Variants in KIFC2 observed in about 807,000 individuals in gnomAD.
The protein encoded by KIFC2 is kinesin-like protein KIFC2.
Under a neutral mutation model 91.5 loss-of-function variants are expected in KIFC2, and 94 were observed. That is an observed-to-expected ratio of 1.03 (90% CI 0.87 to 1.22). KIFC2 has a LOEUF of 1.22. Among genes scored for constraint, KIFC2 ranks in the 50% most tolerant of loss-of-function variants. The pLI, the probability that KIFC2 is intolerant of heterozygous loss-of-function variation, is 0.00. For synonymous variants in KIFC2, 729 were observed against 503.9 expected, an observed-to-expected ratio of 1.45 and a Z score of -5.98; for missense variants, 1,357 against 1,103.3, an observed-to-expected ratio of 1.23 and a Z score of -3.26.
chr8:144,466,528 G>A lies in KIFC2; in HGVS notation c.99+10G>A, dbSNP rs764977557. ...CGGGGACCCCGCCCAGGTGAGCGGG[G>A]CTGGCCGTGCAGCCCGTCGTCTCCC... On this transcript the variant is annotated intron_variant, in intron 1 of 17. Coordinates refer to ENST00000645548, the MANE Select transcript of KIFC2 (RefSeq NM_001369769.2). 8 of 1,231,064 alleles carry A rather than the reference G, an allele frequency of 6.5e-6. No homozygotes were observed. The highest frequency in any genetic ancestry group is 8.2e-6 in the Non-Finnish European group (8 of 974,570). 76.3% of individuals were successfully genotyped at this position (1,231,064 alleles called of 1,614,324 possible). A position where few individuals can be genotyped will look rare whatever the true frequency, so the allele number is the denominator to read the frequency against.
rs780759737 is a variant in KIFC2, at chr8:144,472,609, C to T, written c.1764C>T (p.Thr588=). The change falls in exon 16 of 18, where the codon ACC becomes ACT. Residue 588 remains threonine, a synonymous_variant. Transcript: ENST00000645548. ...MLKLGRSNRA[T]AATAMNQRSS... The stretch of plus-strand genomic sequence containing the variant: ...AACTGGGGAGGAGCAACCGGGCCAC[C>T]GCCGCCACCGCCATGAACCAGCGCA... 8 of 1,605,972 alleles carry T rather than the reference C, an allele frequency of 5.0e-6. No individual in the cohort carries two copies. The highest frequency in any genetic ancestry group is 4.4e-5 in the South Asian group (4 of 91,068).
chr8:144,467,028 A>T lies in KIFC2; in HGVS notation c.248A>T (p.Glu83Val). 1 of 1,596,676 alleles carries T rather than the reference A, an allele frequency of 6.3e-7. No homozygotes were observed. Among genetic ancestry groups the T allele is most frequent in the Non-Finnish European group, 8.5e-7 (1 of 1,173,894 alleles). Residue 83 changes from glutamate (E) to valine (V), a missense_variant, in exon 3 of 18, where the codon GAG (glutamate) becomes GTG (valine). Physicochemically the swap from Glu to Val is moderately radical, Grantham distance 121. Coordinates refer to ENST00000645548, the MANE Select transcript of KIFC2 (RefSeq NM_001369769.2). ...CGCGCGGCCGCGGTGTCCCTGGAAG[A>T]GGCCCTACTGCGCCTCGCCGAGTTC... Reference protein sequence around the residue: ...EGRAAAVSLEEALLRLAEFLS... With the variant: ...EGRAAAVSLEVALLRLAEFLS...
intron 10 of KIFC2, 121 bp from the exon 11 acceptor site, chr8:144,469,150 G>A: frequency 1.2e-6 from 1 of 807,618 alleles, no homozygotes; most frequent in Non-Finnish European, 2.0e-6. Context: ...ACTGAAAGTT[G>A]TGGCTTAGCA....
rs1054249204 is a variant in KIFC2 at position 144,473,836 on chromosome 8, T to C, written c.*447T>C. ...GTTTCCCGAAAAAGGTGCTACCTCC[T>C]TTCCAGACAGATGAGAGAGGGCAGG... On this transcript the variant is annotated 3_prime_UTR_variant, in exon 18 of 18. Coordinates refer to ENST00000645548, the MANE Select transcript of KIFC2 (RefSeq NM_001369769.2). 2 of 356,308 alleles carry C rather than the reference T, an allele frequency of 5.6e-6. No individual in the cohort carries two copies. Among genetic ancestry groups the C allele is most frequent in the Non-Finnish European group, 1.0e-5 (2 of 195,848 alleles). The allele number at this position is 356,308 out of a possible 1,614,324, so 22.1% of individuals were successfully genotyped here.
In KIFC2 at chr8:144,472,640, C is replaced by A; in HGVS notation, c.1795C>A (p.Arg599Ser). 6.2e-7 allele frequency: 1 copy of A among 1,601,984 alleles called. No homozygotes were observed. Among genetic ancestry groups the A allele is most frequent in the Non-Finnish European group, 8.5e-7 (1 of 1,179,582 alleles). The part of the protein sequence containing the change: ...AATAMNQRSS[R>S]SHALVTLTLR... ...CACCGCCATGAACCAGCGCAGCTCC[C>A]GCTCGCATGCCCTGGTCACGCTGAC... is the stretch of plus-strand genomic sequence containing the variant. Residue 599 changes from arginine (R) to serine (S), a missense_variant, in exon 16 of 18, where the codon CGC (arginine) becomes AGC (serine). Physicochemically the swap from Arg to Ser is moderately radical, Grantham distance 110. Transcript: ENST00000645548.
chr8:144,466,892 G>A, intron 2 of KIFC2, 54 bp downstream of exon 2: 1 of 1,545,492 alleles, frequency 6.5e-7, no homozygotes, highest in East Asian at 2.4e-5. Context: ...GACCTCCCAG[G>A]GAGGGGCGGA....
chr8:144,470,322 C>T (rs1422904914), intron 12 of KIFC2, among the ~76,000 whole-genome samples: 1 of 152,260 alleles, frequency 6.6e-6, no homozygotes, highest in East Asian at 1.9e-4. Context: ...GGCCTTAGCC[C>T]CACCCCACAC....
In KIFC2 at chr8:144,473,086, G is replaced by C. The variant is rs1224298782; in HGVS notation, c.2118+35G>C. 4 of 1,528,876 alleles carry C rather than the reference G, an allele frequency of 2.6e-6. No homozygotes were observed. Among genetic ancestry groups the C allele is most frequent in the Non-Finnish European group, 3.5e-6 (4 of 1,139,084 alleles). 94.7% of individuals were successfully genotyped at this position (1,528,876 alleles called of 1,614,324 possible). ...GGGGCGGGGCAGGTGTGTGCGTGCC[G>C]GTCGCCGCCCACCCGGGCCCGCCCA... On this transcript the variant is annotated intron_variant, in intron 17 of 17. Coordinates refer to ENST00000645548, the MANE Select transcript of KIFC2 (RefSeq NM_001369769.2).
Position 144,474,200 on chromosome 8 carries a change from G to C in KIFC2, c.*811G>C, listed in dbSNP as rs1375174460. ...GGCTCCCTGTCAACAAGGTGGGGGT[G>C]GGAGCGGGAGGGAGGAGTGGCCCCT... On this transcript the variant is annotated 3_prime_UTR_variant, in exon 18 of 18. Coordinates refer to ENST00000645548, the MANE Select transcript of KIFC2 (RefSeq NM_001369769.2). 3 of 1,460,284 alleles carry C rather than the reference G, an allele frequency of 2.1e-6. No individual in the cohort carries two copies. Among genetic ancestry groups the C allele is most frequent in the Non-Finnish European group, 2.8e-6 (3 of 1,085,246 alleles). The allele number at this position is 1,460,284 out of a possible 1,614,324, so 90.5% of individuals were successfully genotyped here. A position where few individuals can be genotyped will look rare whatever the true frequency, so the allele number is the denominator to read the frequency against.
rs558828457 is a variant in KIFC2, at chr8:144,474,154, C to G, written c.*765C>G. On this transcript the variant is annotated 3_prime_UTR_variant, in exon 18 of 18. Transcript: ENST00000645548. ...CCTGGTGTTTCGAGGCTGCTGTGGT[C>G]GCAGACAGCCGCCTCGCCTTGGCTC... 8.2e-6 allele frequency: 9 copies of G among 1,100,900 alleles called. No individual in the cohort carries two copies. The South Asian group carries it at 9.7e-5, about 12-fold the overall frequency. The allele number at this position is 1,100,900 out of a possible 1,614,324, so 68.2% of individuals were successfully genotyped here. A position where few individuals can be genotyped will look rare whatever the true frequency, so the allele number is the denominator to read the frequency against.
rs886701329 is a variant in KIFC2, at chr8:144,469,210, C to T, written c.1114-61C>T. On this transcript the variant is annotated intron_variant, in intron 10 of 17. Coordinates refer to ENST00000645548, the MANE Select transcript of KIFC2 (RefSeq NM_001369769.2). ...CCCTGCTGCTCTCAGGACCCTCCCA[C>T]CCCCCACCTCCGCAGCTCCTTGGCT... 2.2e-6 allele frequency: 3 copies of T among 1,362,128 alleles called. No individual in the cohort carries two copies. The African/African-American group carries it at 4.4e-5, about 20-fold the overall frequency. 84.4% of individuals were successfully genotyped at this position (1,362,128 alleles called of 1,614,324 possible).
Position 144,472,482 on chromosome 8 carries a change from C to A in KIFC2, c.1729C>A (p.Gln577Lys). Reference protein sequence around the residue: ...WDVPNLETLHQMLKLGRSNRA... With the variant: ...WDVPNLETLHKMLKLGRSNRA... ...CGTGCCCAACCTGGAGACATTGCAC[C>A]AGGTAGGGCTGCACCGCTCTCCGAG... The change falls in exon 15 of 18, where the codon CAG (glutamine) becomes AAG (lysine). Residue 577 changes from glutamine (Q) to lysine (K), a missense_variant and splice_region_variant. Transcript: ENST00000645548. 1 of 1,611,346 alleles carries A rather than the reference C, an allele frequency of 6.2e-7. No individual in the cohort carries two copies. The highest frequency in any genetic ancestry group is 8.5e-7 in the Non-Finnish European group (1 of 1,179,136).
intron 13 of KIFC2, 28 bp from the exon 14 acceptor site, chr8:144,472,110 C>T (rs749111128): frequency 2.5e-6 from 4 of 1,612,894 alleles, no homozygotes; most frequent in Admixed American, 3.3e-5. Flanking sequence ...TGGATGTGAG[C>T]CCGGTGTGCA....
chr8:144,469,077 C>T (rs1285992200), intron 10 of KIFC2, among the ~76,000 whole-genome samples, 194 bp from the exon 11 acceptor site: 1 of 152,192 alleles, frequency 6.6e-6, no homozygotes, highest in South Asian at 2.1e-4. Flanking sequence ...TGTGGTGTTC[C>T]TGCCTGTCAT....
chr8:144,470,155 C>T (rs1194248813), intron 12 of KIFC2, among the ~76,000 whole-genome samples: 1 of 152,244 alleles, frequency 6.6e-6, no homozygotes, highest in South Asian at 2.1e-4. Context: ...CAGCTCAGAG[C>T]CAGGGGAGAC....
chr8:144,473,405 C>A lies in KIFC2; in HGVS notation c.*16C>A, dbSNP rs373508115. 1.3e-6 allele frequency: 2 copies of A among 1,571,528 alleles called. No individual in the cohort carries two copies. The highest frequency in any genetic ancestry group is 2.3e-5 in the South Asian group (2 of 86,316). ...GCCCCTCTAGTCCTGGGTCGCGGCC[C>A]TGCCCATGGGGTCTCAGGCCAGGTC... On this transcript the variant is annotated 3_prime_UTR_variant, in exon 18 of 18. Transcript: ENST00000645548.
intron 12 of KIFC2, 95 bp downstream of exon 12, chr8:144,469,742 A>T: frequency 7.0e-7 from 1 of 1,428,372 alleles, no homozygotes; most frequent in South Asian, 1.4e-5. Flanking sequence ...CTGGGTGTCC[A>T]CCTGGAGGAG....
rs1363491926 is a variant in KIFC2, at chr8:144,472,462, C to G, written c.1709C>G (p.Pro570Arg). ...QVAGLTHWDV[P>R]NLETLHQMLK... is the part of the protein sequence containing the mutation. Reference sequence around the variant, plus strand: ...GCTGGCCTCACCCACTGGGACGTGCCCAACCTGGAGACATTGCACCAGGTA... The same window carrying G: ...GCTGGCCTCACCCACTGGGACGTGCGCAACCTGGAGACATTGCACCAGGTA... Residue 570 changes from proline (P) to arginine (R), a missense_variant, in exon 15 of 18, where the codon CCC becomes CGC. Physicochemically the swap from Pro to Arg is moderately radical, Grantham distance 103. Coordinates refer to ENST00000645548, the MANE Select transcript of KIFC2 (RefSeq NM_001369769.2). 2 of 1,612,118 alleles carry G rather than the reference C, an allele frequency of 1.2e-6. No individual in the cohort carries two copies.
Position 144,466,485 on chromosome 8 carries a change from C to G in KIFC2, c.66C>G (p.Ala22=). 2 of 1,322,264 alleles carry G rather than the reference C, an allele frequency of 1.5e-6. No homozygotes were observed. Among genetic ancestry groups the G allele is most frequent in the South Asian group, 3.8e-5 (2 of 52,006 alleles). The allele number at this position is 1,322,264 out of a possible 1,614,324, so 81.9% of individuals were successfully genotyped here. A position where few individuals can be genotyped will look rare whatever the true frequency, so the allele number is the denominator to read the frequency against. ...FYSLFRRDGG[A]AAAAEPGDPA... is the part of the protein sequence containing the mutation. ...GCCTCTTCCGCAGGGATGGTGGCGC[C>G]GCGGCGGCCGCGGAGCCCGGGGACC... Residue 22 remains alanine (A), a synonymous_variant, in exon 1 of 18, where the codon GCC becomes GCG. Coordinates refer to ENST00000645548, the MANE Select transcript of KIFC2 (RefSeq NM_001369769.2).
Sources: allele counts gnomAD v4.1 joint callset (sites outside exome capture counted in the v4.1 genomes callset), GRCh38; gene constraint gnomAD v4.1.1; transcripts MANE v1.5; gene names NCBI Gene and HGNC (gene_info 2026-07-23, HGNC 2026-07-21).